NALF1: variants seen among roughly 807,000 people sequenced by gnomAD.
The protein encoded by NALF1 is family with sequence similarity 155 member A.
Under a neutral mutation model 48.4 loss-of-function variants are expected in NALF1, and 3 were observed. That is an observed-to-expected ratio of 0.06 (90% confidence interval 0.03 to 0.16). NALF1 has a LOEUF of 0.16. Among genes scored for constraint, NALF1 ranks in the 10% least tolerant of loss-of-function variants. The probability of loss-of-function intolerance (pLI) is 1.00; values close to 1 mark genes in which losing one functional copy is unlikely to be tolerated. For synonymous variants in NALF1, 262 were observed against 245.7 expected, an observed-to-expected ratio of 1.07 and a Z score of -0.62; for missense variants, 526 against 571.5, an observed-to-expected ratio of 0.92 and a Z score of 0.81.
chr13:107,797,341 G>A (rs1442087555), intron 1 of NALF1, among the ~76,000 whole-genome samples: 2 of 151,990 alleles, frequency 1.3e-5, no homozygotes, highest in South Asian at 2.1e-4. Flanking sequence ...CAGTAACTGG[G>A]AATACAGGCG....
chr13:107,370,313 G>C, intron 1 of NALF1, among the ~76,000 whole-genome samples: 1 of 152,176 alleles, frequency 6.6e-6, no homozygotes, highest in Non-Finnish European at 1.5e-5. Flanking sequence ...CCCAAAACAG[G>C]CTGCTTTCTT....
chr13:107,382,300 G>A (rs192418770), intron 1 of NALF1, among the ~76,000 whole-genome samples: 4 of 152,216 alleles, frequency 2.6e-5, no homozygotes, highest in African/African-American at 9.6e-5. Flanking sequence ...AGCAAAAATC[G>A]TGTTTGAATA....
At chr13:107,387,791 T>A (rs1037785160) in intron 1 of NALF1, among the ~76,000 whole-genome samples, 7 of 152,308 alleles carry the variant, frequency 4.6e-5, no homozygotes, top group Admixed American at 3.3e-4. Context: ...ACTGCTGAAA[T>A]TCATAGGTAC....
At chr13:107,256,356 C>T (rs878898190) in intron 1 of NALF1, among the ~76,000 whole-genome samples, 1 of 152,074 alleles carries the variant, frequency 6.6e-6, no homozygotes, top group Non-Finnish European at 1.5e-5. Flanking sequence ...TCAGCCATAA[C>T]GGGAGTATTT....
intron 1 of NALF1, among the ~76,000 whole-genome samples, chr13:107,289,374 A>C (rs1342518208): frequency 2.0e-5 from 3 of 152,230 alleles, no homozygotes; most frequent in East Asian, 3.8e-4. Context: ...ATGACTTAGA[A>C]CAGTACCTGG....
chr13:107,279,043 C>CTTTTTTTTTTTTTTTTTTTTT (rs200133690), intron 1 of NALF1, among the ~76,000 whole-genome samples: 4 of 122,938 alleles, frequency 3.3e-5, no homozygotes, highest in South Asian at 5.3e-4. Flanking sequence ...TTCTTTTCTT[C>CTTTTTTTTTTTTTTTTTTTTT]TTTTTTTTTT....
intron 1 of NALF1, among the ~76,000 whole-genome samples, chr13:107,865,011 A>G (rs987127217): frequency 2.6e-5 from 4 of 152,248 alleles, no homozygotes; most frequent in Admixed American, 6.5e-5. Flanking sequence ...TTGCTAGTCA[A>G]TCACTAGACA....
intron 1 of NALF1, among the ~76,000 whole-genome samples, chr13:107,500,802 T>C (rs1413231882): frequency 6.6e-6 from 1 of 151,816 alleles, no homozygotes; most frequent in East Asian, 1.9e-4. Context: ...ATGTCCTTTG[T>C]AGGGACATGG....
At chr13:107,285,205 T>C (rs897425434) in intron 1 of NALF1, among the ~76,000 whole-genome samples, 2 of 152,228 alleles carry the variant, frequency 1.3e-5, no homozygotes, top group Non-Finnish European at 2.9e-5. Context: ...ACTATTGAGA[T>C]TCACAGATTC....
chr13:107,842,161 A>T (rs1880060234), intron 1 of NALF1, among the ~76,000 whole-genome samples: 1 of 152,054 alleles, frequency 6.6e-6, no homozygotes, highest in South Asian at 2.1e-4. Flanking sequence ...AATACCTGAT[A>T]TATCATTGAT....
intron 2 of NALF1, among the ~76,000 whole-genome samples, chr13:107,182,811 T>C (rs1879094540): frequency 6.6e-6 from 1 of 152,214 alleles, no homozygotes; most frequent in Non-Finnish European, 1.5e-5. Context: ...ACATTTCATA[T>C]ATTCCCTCCA....
chr13:107,756,338 T>A (rs1268015692), intron 1 of NALF1, among the ~76,000 whole-genome samples: 1 of 151,834 alleles, frequency 6.6e-6, no homozygotes, highest in Non-Finnish European at 1.5e-5. Flanking sequence ...GTGATGCCAA[T>A]GTGGCTGATG....
At chr13:107,358,986 A>C (rs1883012125) in intron 1 of NALF1, among the ~76,000 whole-genome samples, 1 of 152,046 alleles carries the variant, frequency 6.6e-6, no homozygotes, top group Non-Finnish European at 1.5e-5. Flanking sequence ...ATTTTTGGAG[A>C]TCCTGAACTA....
chr13:107,711,482 T>G (rs1459495247), intron 1 of NALF1, among the ~76,000 whole-genome samples: 1 of 152,222 alleles, frequency 6.6e-6, no homozygotes, highest in African/African-American at 2.4e-5. Flanking sequence ...GCTACAAGCA[T>G]GCACCACCAC....
At chr13:107,427,690 G>A (rs973689691) in intron 1 of NALF1, among the ~76,000 whole-genome samples, 1 of 152,154 alleles carries the variant, frequency 6.6e-6, no homozygotes, top group Non-Finnish European at 1.5e-5. Context: ...TTCTCTTCAA[G>A]TTTGTTCAGG....
At chr13:107,730,880 T>TA (rs1205026119) in intron 1 of NALF1, among the ~76,000 whole-genome samples, 1 of 152,214 alleles carries the variant, frequency 6.6e-6, no homozygotes, top group Non-Finnish European at 1.5e-5. Context: ...CTTGAGTCTG[T>TA]ATCCCATTAA....
Position 107,866,433 on chromosome 13 carries a change from T to A in NALF1, c.164A>T (p.His55Leu). The A allele has an allele frequency of 1.2e-6, 2 of 1,614,078 alleles. No individual in the cohort carries two copies. Among genetic ancestry groups the A allele is most frequent in the Non-Finnish European group, 1.7e-6 (2 of 1,180,016 alleles). The change falls in exon 1 of 3, where the codon CAC (histidine) becomes CTC (leucine). Residue 55 changes from histidine to leucine, a missense_variant. His to Leu is a moderately conservative substitution (Grantham distance 99). Around this residue, in one of 2 missense-constraint regions of NALF1, gnomAD observed 373 missense variants for 355.5 expected, o/e 1.05. Coordinates refer to ENST00000375915, the MANE Select transcript of NALF1 (RefSeq NM_001080396.3). The surrounding 1 kb of genome is among the most constrained non-coding windows in gnomAD (Gnocchi z 4.4). ...LLFFTVLLSD[H>L]LWFCAEAKLT... ...CTTGGCCTCGGCGCAGAACCACAAGTGATCAGAGAGCAGGACTGTGAAAAA... is the reference window on the plus strand; with the variant it reads ...CTTGGCCTCGGCGCAGAACCACAAGAGATCAGAGAGCAGGACTGTGAAAAA...
At chr13:107,670,603 A>G (rs1322581256) in intron 1 of NALF1, among the ~76,000 whole-genome samples, 3 of 152,144 alleles carry the variant, frequency 2.0e-5, no homozygotes, top group Non-Finnish European at 4.4e-5. Flanking sequence ...CTTTACTATC[A>G]TTGTAATATC....
chr13:107,369,855 T>C (rs1883218579), intron 1 of NALF1, among the ~76,000 whole-genome samples: 1 of 152,192 alleles, frequency 6.6e-6, no homozygotes, highest in African/African-American at 2.4e-5. Flanking sequence ...AAAGATGGCT[T>C]TGAGGCCAAT....
Sources: allele counts gnomAD v4.1 joint callset (sites outside exome capture counted in the v4.1 genomes callset), GRCh38; gene constraint gnomAD v4.1.1; regional missense constraint gnomAD v4.1.1; non-coding constraint Gnocchi (gnomAD v3.1); transcripts MANE v1.5; gene names NCBI Gene and HGNC (gene_info 2026-07-23, HGNC 2026-07-21).